Variants in POU2F3 observed in about 807,000 individuals in gnomAD.
The protein encoded by POU2F3 is POU domain, class 2, transcription factor 3.
POU2F3 carries 23 observed loss-of-function variants against 59.2 expected under a neutral mutation model. The observed-to-expected ratio is 0.39, with a 90% CI of 0.28 to 0.55. The LOEUF (loss-of-function observed/expected upper bound fraction) is 0.55, where lower values mean the gene tolerates loss of function less well. POU2F3 is among the 20% of genes least tolerant of loss of function. The pLI is 0.66. For missense variants in POU2F3, 473 were observed against 544.5 expected (o/e 0.87, Z 1.31); for synonymous variants, 190 against 214.6 (o/e 0.89, Z 1.00).
intron 3 of POU2F3, among the ~76,000 whole-genome samples, chr11:120,276,419 T>G (rs1195841508): frequency 6.6e-6 from 1 of 151,792 alleles, no homozygotes; most frequent in Non-Finnish European, 1.5e-5. Context: ...GGGTAGTGGG[T>G]CCAATGGAGG....
At chr11:120,256,272 C>CTGT (rs1244844688) in intron 2 of POU2F3, 2 of 152,184 alleles carry the variant, frequency 1.3e-5, no homozygotes, top group Non-Finnish European at 2.9e-5. Flanking sequence ...CAGTTTCTTC[C>CTGT]TTTATAAAAC....
At chr11:120,268,756 G>A (rs1180235585) in intron 2 of POU2F3, among the ~76,000 whole-genome samples, 1 of 152,236 alleles carries the variant, frequency 6.6e-6, no homozygotes, top group African/African-American at 2.4e-5. Flanking sequence ...TACTTTAGGT[G>A]TCATCTCTCC....
At chr11:120,316,222 A>G (rs1457396430) in intron 11 of POU2F3, among the ~76,000 whole-genome samples, 4 of 152,192 alleles carry the variant, frequency 2.6e-5, no homozygotes, top group Non-Finnish European at 5.9e-5. Context: ...ATGGTAAAAT[A>G]TATGTCACCC....
At chr11:120,259,683 A>C (rs1218232046) in intron 2 of POU2F3, among the ~76,000 whole-genome samples, 1 of 152,220 alleles carries the variant, frequency 6.6e-6, no homozygotes, top group African/African-American at 2.4e-5. Flanking sequence ...GAATGGAGAC[A>C]GCAACTTTTT....
chr11:120,292,563 C>CT (rs1206111396), intron 3 of POU2F3, among the ~76,000 whole-genome samples: 2 of 152,192 alleles, frequency 1.3e-5, no homozygotes, highest in African/African-American at 4.8e-5. Flanking sequence ...ATCAAAAGTT[C>CT]TGTGTCGTAC....
intron 1 of POU2F3, among the ~76,000 whole-genome samples, chr11:120,243,128 G>C (rs1402071889): frequency 3.3e-5 from 5 of 152,174 alleles, no homozygotes; most frequent in Non-Finnish European, 1.5e-5. Context: ...GAAGAAATGA[G>C]AGAAGTCTCC....
At chr11:120,288,128 C>CAAAAAAAAAAAAAAAAAAACAA (rs1940855942) in intron 3 of POU2F3, among the ~76,000 whole-genome samples, 1 of 63,330 alleles carries the variant, frequency 1.6e-5, no homozygotes, top group Non-Finnish European at 2.6e-5. Flanking sequence ...ACAAAAAAAC[C>CAAAAAAAAAAAAAAAAAAACAA]AAAAAAAAAA....
intron 1 of POU2F3, among the ~76,000 whole-genome samples, chr11:120,242,797 A>G (rs570649666): frequency 2.0e-5 from 3 of 152,306 alleles, no homozygotes; most frequent in South Asian, 4.1e-4. Flanking sequence ...ACCTGGAAGC[A>G]CAAAGACCTG....
chr11:120,261,160 T>TTTTGTGTGTG (rs1939581257), intron 2 of POU2F3: 2 of 139,036 alleles, frequency 1.4e-5, no homozygotes, highest in African/African-American at 5.3e-5. Context: ...TTTTGTTGTT[T>TTTTGTGTGTG]TGTGTGTGTG....
Position 120,312,413 on chromosome 11 carries a change from G to A in POU2F3, c.1068+2827G>A, listed in dbSNP as rs1044025006. 3.3e-5 allele frequency among the ~76,000 whole-genome samples: 5 copies of A among 152,026 alleles called. 1 individual carries two copies. In the Middle Eastern group the frequency reaches 0.01, roughly 315 times the overall value. On this transcript the variant is annotated intron_variant, in intron 10 of 12. Coordinates refer to ENST00000543440, the MANE Select transcript of POU2F3 (RefSeq NM_014352.4). ...GCTAGGATTACAGGCATGAGCCACC[G>A]CACCCAGCCCAAAGGCATGGAATTA...
intron 3 of POU2F3, among the ~76,000 whole-genome samples, chr11:120,287,611 G>A (rs7118019): frequency 8.9e-4 from 136 of 152,252 alleles, no homozygotes; most frequent in African/African-American, 3.2e-3. Flanking sequence ...CAGCCTTTTG[G>A]TAACAAATTT....
chr11:120,268,460 C>A (rs1349230081), intron 2 of POU2F3, among the ~76,000 whole-genome samples: 1 of 152,112 alleles, frequency 6.6e-6, no homozygotes, highest in Non-Finnish European at 1.5e-5. Context: ...CCTGCCTCCA[C>A]CCCCTGAGTA....
chr11:120,262,604 T>C (rs905706167), intron 2 of POU2F3, among the ~76,000 whole-genome samples: 1 of 152,270 alleles, frequency 6.6e-6, no homozygotes, highest in African/African-American at 2.4e-5. Context: ...CACAGCAATT[T>C]TGATGGTAAA....
intron 3 of POU2F3, among the ~76,000 whole-genome samples, chr11:120,284,635 C>T (rs367559619): frequency 9.8e-5 from 15 of 152,292 alleles, no homozygotes; most frequent in East Asian, 1.9e-4. Context: ...TCTTACTAAA[C>T]GCCCCTTAGG....
intron 9 of POU2F3, among the ~76,000 whole-genome samples, chr11:120,308,976 A>AAAAAAAAAAG (rs1941578361): frequency 1.4e-5 from 2 of 142,676 alleles, no homozygotes; most frequent in African/African-American, 2.7e-5. Flanking sequence ...AAAAAAAAAA[A>AAAAAAAAAAG]GAAATGACAA....
At chr11:120,283,734 C>G (rs1208054214) in intron 3 of POU2F3, among the ~76,000 whole-genome samples, 2 of 151,664 alleles carry the variant, frequency 1.3e-5, no homozygotes, top group East Asian at 3.9e-4. Flanking sequence ...TCCAACTTAC[C>G]CCCTCCACTA....
intron 3 of POU2F3, among the ~76,000 whole-genome samples, chr11:120,274,934 T>G (rs918895739): frequency 2.0e-5 from 3 of 152,102 alleles, no homozygotes; most frequent in Admixed American, 1.3e-4. Flanking sequence ...ACCAACAGCA[T>G]CAGAGCATAC....
Position 120,246,449 on chromosome 11 carries a change from A to C in POU2F3, c.29A>C (p.Asp10Ala). The C allele has an allele frequency of 1.2e-6, 2 of 1,613,886 alleles. No individual in the cohort carries two copies. Among genetic ancestry groups the C allele is most frequent in the South Asian group, 1.1e-5 (1 of 91,056 alleles). Residue 10 changes from aspartate to alanine, a missense_variant and splice_region_variant, in exon 2 of 13, where the codon GAT becomes GCT. By Grantham distance (126) the Asp-to-Ala change is moderately radical. Transcript: ENST00000543440. Reference sequence around the variant, plus strand: ...AAAATCAGTTGTGTTTTCCCTGCAGATATCAAGATGAGTGGGGATGTAGCC... The same window carrying C: ...AAAATCAGTTGTGTTTTCCCTGCAGCTATCAAGATGAGTGGGGATGTAGCC... MVNLESMHTDIKMSGDVADS... is the reference protein window; with the variant it reads MVNLESMHTAIKMSGDVADS...
chr11:120,246,851 C>G (rs1386331852), intron 2 of POU2F3, among the ~76,000 whole-genome samples: 4 of 152,192 alleles, frequency 2.6e-5, no homozygotes, highest in Admixed American at 2.0e-4. Flanking sequence ...TAGATGGGGA[C>G]AAGGCCTTTT....
Sources: allele counts gnomAD v4.1 joint callset (sites outside exome capture counted in the v4.1 genomes callset), GRCh38; gene constraint gnomAD v4.1.1; transcripts MANE v1.5; gene names NCBI Gene and HGNC (gene_info 2026-07-23, HGNC 2026-07-21).